Variants in GAS7 observed in about 807,000 individuals in gnomAD.
GAS7 encodes the protein growth arrest specific 7.
In GAS7, 28 loss-of-function variants were observed where a neutral mutation model predicts 71.1. The observed-to-expected ratio is 0.39, with a 90% CI of 0.29 to 0.54. The LOEUF (loss-of-function observed/expected upper bound fraction) is 0.54. Ranked by LOEUF, GAS7 falls within the 20% of genes least tolerant of loss-of-function variation. The pLI is 0.62. For synonymous variants in GAS7, 258 were observed against 245.8 expected, an observed-to-expected ratio of 1.05 and a Z score of -0.46; for missense variants, 436 against 627.8, an observed-to-expected ratio of 0.69 and a Z score of 3.27.
chr17:10,055,984 G>A (rs560114939), intron 1 of GAS7, among the ~76,000 whole-genome samples: 1 of 152,206 alleles, frequency 6.6e-6, no homozygotes, highest in Admixed American at 6.5e-5. Context: ...CCAGGTAGAA[G>A]TGAATTATCC....
chr17:10,052,556 A>G (rs1375867587), intron 1 of GAS7, among the ~76,000 whole-genome samples: 1 of 152,198 alleles, frequency 6.6e-6, no homozygotes, highest in East Asian at 1.9e-4. Context: ...AGCTGTGAGC[A>G]GTTTTGTTTT....
rs1191331612 is a variant in GAS7, at chr17:9,943,109, C to T, written c.731+12G>A. On this transcript the variant is annotated intron_variant, in intron 7 of 13. Transcript: ENST00000432992. ...TGCCAGGCCCCAGGGCTGGGAGGGG[C>T]CCAGGCTTCACCTTTCCCGGATGAA... 1 of 1,559,182 alleles carries T rather than the reference C, an allele frequency of 6.4e-7. No individual in the cohort carries two copies. Among genetic ancestry groups the T allele is most frequent in the Admixed American group, 1.7e-5 (1 of 59,958 alleles).
At chr17:10,166,244 G>A (rs758264120) in intron 1 of GAS7, among the ~76,000 whole-genome samples, 8 of 151,952 alleles carry the variant, frequency 5.3e-5, no homozygotes, top group Admixed American at 1.3e-4. Flanking sequence ...GGCTGGTCTC[G>A]AACTCCTGGC....
rs540745248 is a variant in GAS7, at chr17:9,999,923, A to T, written c.305-18039T>A. ...GAGGTTTAAAAACCTCCCTGCAAAGAGGACTGAAAACTTCATCCATGCAGA... is the reference window on the plus strand; with the variant it reads ...GAGGTTTAAAAACCTCCCTGCAAAGTGGACTGAAAACTTCATCCATGCAGA... On this transcript the variant is annotated intron_variant, in intron 2 of 13. Transcript: ENST00000432992. Among the ~76,000 whole-genome samples the T allele has an allele frequency of 2.0e-5, 3 of 152,360 alleles. No individual in the cohort carries two copies. The East Asian group carries it at 5.8e-4, about 29-fold the overall frequency.
At chr17:10,079,118 G>A (rs1173285434) in intron 1 of GAS7, among the ~76,000 whole-genome samples, 6 of 152,206 alleles carry the variant, frequency 3.9e-5, no homozygotes, top group Non-Finnish European at 8.8e-5. Context: ...CTGGCTGGGT[G>A]ACACAGCAAA....
intron 1 of GAS7, among the ~76,000 whole-genome samples, chr17:10,029,990 C>T (rs537463834): frequency 7.9e-5 from 12 of 152,328 alleles, no homozygotes; most frequent in African/African-American, 2.6e-4. Context: ...CATAGTGAAG[C>T]ATCCGTGTCC....
chr17:10,136,130 C>T (rs1224412352), intron 1 of GAS7, among the ~76,000 whole-genome samples: 3 of 152,170 alleles, frequency 2.0e-5, no homozygotes, highest in African/African-American at 7.2e-5. Flanking sequence ...GTCCCCATGG[C>T]GAAGTGTCCT....
intron 2 of GAS7, among the ~76,000 whole-genome samples, chr17:10,001,370 TAA>T (rs370502385): frequency 1.3e-5 from 2 of 151,834 alleles, no homozygotes; most frequent in Admixed American, 6.6e-5. Flanking sequence ...AACAGAAAAG[TAA>T]AAAGAGGAAA....
chr17:10,113,157 G>A (rs2073830054), intron 1 of GAS7, among the ~76,000 whole-genome samples: 7 of 152,010 alleles, frequency 4.6e-5, no homozygotes, highest in Admixed American at 4.6e-4. Flanking sequence ...ACTTTTCCAA[G>A]CAGAAATTAA....
chr17:10,184,870 G>A (rs895835945), intron 1 of GAS7, among the ~76,000 whole-genome samples: 3 of 151,896 alleles, frequency 2.0e-5, no homozygotes, highest in African/African-American at 7.3e-5. Flanking sequence ...CCCACCTGCT[G>A]ACCTCCAGGA....
Position 9,926,821 on chromosome 17 carries a change from C to A in GAS7, c.886-52G>T. On this transcript the variant is annotated intron_variant, in intron 9 of 13. Transcript: ENST00000432992. This position sits in a 1 kb window ranked among gnomAD's most constrained non-coding sequence, Gnocchi z 5.0. ...CAGGACCCAGGGCATCAGCTGTAAG[C>A]CAGTGCAGGGAGGAGGGATGGGAGG... 6.2e-7 allele frequency: 1 copy of A among 1,606,172 alleles called. No individual in the cohort carries two copies. The highest frequency in any genetic ancestry group is 8.5e-7 in the Non-Finnish European group (1 of 1,173,160).
Position 9,942,459 on chromosome 17 carries a change from C to T in GAS7, c.731+662G>A, listed in dbSNP as rs116454175. Among the ~76,000 whole-genome samples, 549 of 152,032 alleles carry T rather than the reference C, an allele frequency of 3.6e-3. 1 individual carries two copies. The highest frequency in any genetic ancestry group is 0.013 in the African/African-American group (520 of 41,454). ...GGAAGGAGATAGAGAAGGAACTTCT[C>T]TTTCTCTTTGTCGATTTCTCCATTT... On this transcript the variant is annotated intron_variant, in intron 7 of 13. Coordinates refer to ENST00000432992, the MANE Select transcript of GAS7 (RefSeq NM_201433.2).
At chr17:10,168,529 T>C (rs1159328399) in intron 1 of GAS7, among the ~76,000 whole-genome samples, 1 of 152,186 alleles carries the variant, frequency 6.6e-6, no homozygotes, top group Non-Finnish European at 1.5e-5. Flanking sequence ...GTATGTCTGT[T>C]TACGTACTGT....
At position 9,914,011 on chromosome 17, in the gene GAS7, A is replaced by G. The variant is rs1363406439; in HGVS notation, c.*3217T>C. The G allele has an allele frequency of 4.3e-6, 1 of 230,812 alleles. No individual in the cohort carries two copies. Among genetic ancestry groups the G allele is most frequent in the Non-Finnish European group, 8.6e-6 (1 of 116,604 alleles). The allele number at this position is 230,812 out of a possible 1,614,324, so 14.3% of individuals were successfully genotyped here. ...TAAGTCCTCACCTAAGCACCAAGACATAAAACAAAACAACAACCCGGATAG... is the reference window on the plus strand; with the variant it reads ...TAAGTCCTCACCTAAGCACCAAGACGTAAAACAAAACAACAACCCGGATAG... On this transcript the variant is annotated 3_prime_UTR_variant, in exon 14 of 14. Coordinates refer to ENST00000432992, the MANE Select transcript of GAS7 (RefSeq NM_201433.2).
intron 9 of GAS7, among the ~76,000 whole-genome samples, chr17:9,931,387 C>A (rs1437933937): frequency 6.6e-6 from 1 of 152,198 alleles, no homozygotes; most frequent in African/African-American, 2.4e-5. Context: ...AGGGGTCCTG[C>A]TGATGGGGAG....
intron 1 of GAS7, among the ~76,000 whole-genome samples, chr17:10,182,417 C>G (rs1043818251): frequency 6.6e-6 from 1 of 152,200 alleles, no homozygotes; most frequent in Non-Finnish European, 1.5e-5. Context: ...ACCTCGGCCT[C>G]CCAAACTGCT....
Position 9,919,548 on chromosome 17 carries a change from C to G in GAS7, c.1218+78G>C, listed in dbSNP as rs1173988306. The G allele has an allele frequency of 9.8e-7, 1 of 1,022,382 alleles. No individual in the cohort carries two copies. The highest frequency in any genetic ancestry group is 1.6e-6 in the Non-Finnish European group (1 of 639,946). The allele number at this position is 1,022,382 out of a possible 1,614,324, so 63.3% of individuals were successfully genotyped here. A position where few individuals can be genotyped will look rare whatever the true frequency, so the allele number is the denominator to read the frequency against. ...CAGGGTCACTCCACCCCATCATCCC[C>G]GCGCCCACCAACAACCACCAGGGGC... is the stretch of plus-strand genomic sequence containing the variant. On this transcript the variant is annotated intron_variant, in intron 12 of 13. Coordinates refer to ENST00000432992, the MANE Select transcript of GAS7 (RefSeq NM_201433.2). This position sits in a 1 kb window ranked among gnomAD's most constrained non-coding sequence, Gnocchi z 5.0.
chr17:10,136,968 G>A (rs1161245772), intron 1 of GAS7, among the ~76,000 whole-genome samples: 1 of 152,082 alleles, frequency 6.6e-6, no homozygotes, highest in Non-Finnish European at 1.5e-5. Flanking sequence ...CAAAAAATTA[G>A]TCAGACATGG....
At chr17:10,114,092 T>TC (rs2073838653) in intron 1 of GAS7, among the ~76,000 whole-genome samples, 1 of 152,048 alleles carries the variant, frequency 6.6e-6, no homozygotes, top group African/African-American at 2.4e-5. Flanking sequence ...TCTTTTTTTT[T>TC]CTTTCATTAT....
Sources: allele counts gnomAD v4.1 joint callset (sites outside exome capture counted in the v4.1 genomes callset), GRCh38; gene constraint gnomAD v4.1.1; non-coding constraint Gnocchi (gnomAD v3.1); transcripts MANE v1.5; gene names NCBI Gene and HGNC (gene_info 2026-07-23, HGNC 2026-07-21).